Variants in RP1 observed in about 807,000 individuals in gnomAD.
The protein encoded by RP1 is RP1 axonemal microtubule associated.
A neutral mutation model predicts 14.8 loss-of-function variants in RP1; 16 were observed. The observed-to-expected ratio is 1.08, with a 90% CI of 0.73 to 1.65. The LOEUF (loss-of-function observed/expected upper bound fraction) is 1.65. Ranked by LOEUF, RP1 falls within the 40% of genes most tolerant of loss-of-function variation. RP1 has a pLI of 0.00. For synonymous variants in RP1, 876 were observed against 883.6 expected, an observed-to-expected ratio of 0.99 and a Z score of 0.15; for missense variants, 2,631 against 2,535.0, an observed-to-expected ratio of 1.04 and a Z score of -0.81.
intron 24 of RP1, among the ~76,000 whole-genome samples, chr8:54,797,593 T>C (rs934055717): frequency 6.6e-6 from 1 of 151,786 alleles, no homozygotes; most frequent in African/African-American, 2.4e-5. Flanking sequence ...GTCCACTGCA[T>C]GTGTTAGGAA....
intron 24 of RP1, among the ~76,000 whole-genome samples, chr8:54,799,192 A>C (rs927369153): frequency 3.9e-5 from 6 of 152,060 alleles, no homozygotes; most frequent in Non-Finnish European, 5.9e-5. Flanking sequence ...ACAGAAAGCT[A>C]TATGTGATTG....
rs751776583 is a variant in RP1, at chr8:54,627,062, A to G, written c.3180A>G (p.Arg1060=). ...KLVYQEINLA[R]KRQSVEAAIQ... ...TTTACCAGGAAATAAACCTAGCTAG[A>G]AAAAGGCAAAGTGTAGAGGCTGCCA... Residue 1060 remains arginine (R), a synonymous_variant, in exon 4 of 4, where the codon AGA becomes AGG. Coordinates refer to ENST00000220676, the MANE Select transcript of RP1 (RefSeq NM_006269.2). The G allele has an allele frequency of 2.7e-5, 43 of 1,613,950 alleles. No individual in the cohort carries two copies. Among genetic ancestry groups the G allele is most frequent in the Non-Finnish European group, 3.5e-5 (41 of 1,179,984 alleles).
At chr8:54,754,537 C>A (rs1235465818) in intron 19 of RP1, among the ~76,000 whole-genome samples, 2 of 152,186 alleles carry the variant, frequency 1.3e-5, no homozygotes, top group Non-Finnish European at 2.9e-5. Context: ...TAATAAACAA[C>A]TGATGGCACT....
chr8:54,789,791 G>T (rs889512521), intron 24 of RP1, among the ~76,000 whole-genome samples: 2 of 152,178 alleles, frequency 1.3e-5, no homozygotes, highest in African/African-American at 2.4e-5. Flanking sequence ...GCCCAGTAGA[G>T]GTCCTCACTG....
chr8:54,825,809 T>C (rs1811375102), intron 24 of RP1, among the ~76,000 whole-genome samples: 1 of 152,138 alleles, frequency 6.6e-6, no homozygotes. Context: ...GGATGGCTCA[T>C]GCCTGTAATT....
chr8:54,662,201 T>A (rs1806915382), intron 6 of RP1, among the ~76,000 whole-genome samples: 1 of 152,186 alleles, frequency 6.6e-6, no homozygotes, highest in African/African-American at 2.4e-5. Context: ...TATTATTATA[T>A]GAGACACTAG....
At chr8:54,852,868 G>A (rs1164062789) in intron 26 of RP1, 1 of 549,114 alleles carries the variant, frequency 1.8e-6, no homozygotes, top group East Asian at 3.5e-5. Flanking sequence ...TCATTTCTTA[G>A]TGTGCATGTT....
At chr8:54,599,304 C>T (rs1471748306) in intron 1 of RP1, among the ~76,000 whole-genome samples, 1 of 151,908 alleles carries the variant, frequency 6.6e-6, no homozygotes, top group Non-Finnish European at 1.5e-5. Context: ...TTTGGTTCTT[C>T]TTTATATCTT....
At chr8:54,866,551 G>A (rs1207588756) in intron 28 of RP1, among the ~76,000 whole-genome samples, 1 of 152,074 alleles carries the variant, frequency 6.6e-6, no homozygotes, top group Non-Finnish European at 1.5e-5. Context: ...AATATCAAAT[G>A]CACCTTAAAA....
intron 1 of RP1, among the ~76,000 whole-genome samples, chr8:54,620,180 CT>C (rs1262026617): frequency 6.6e-6 from 1 of 152,202 alleles, no homozygotes; most frequent in African/African-American, 2.4e-5. Flanking sequence ...TATTTCTGGA[CT>C]TTTCCCCAAT....
intron 15 of RP1, among the ~76,000 whole-genome samples, chr8:54,709,370 A>C (rs553716457): frequency 6.6e-6 from 1 of 152,124 alleles, no homozygotes; most frequent in Admixed American, 6.5e-5. Context: ...TCCCTTCCTG[A>C]AGGGCTTCAC....
At chr8:54,856,145 G>A (rs1197468409) in intron 26 of RP1, among the ~76,000 whole-genome samples, 1 of 152,188 alleles carries the variant, frequency 6.6e-6, no homozygotes, top group African/African-American at 2.4e-5. Context: ...ACGCTGCTGA[G>A]CAAAATGGCA....
intron 3 of RP1, among the ~76,000 whole-genome samples, chr8:54,642,931 G>A (rs920054502): frequency 2.5e-4 from 38 of 151,922 alleles, no homozygotes; most frequent in African/African-American, 8.9e-4. Context: ...ACAATGTTTT[G>A]ATTTGCCTTT....
intron 1 of RP1, among the ~76,000 whole-genome samples, chr8:54,610,924 A>C (rs1805575017): frequency 6.6e-6 from 1 of 152,198 alleles, no homozygotes; most frequent in African/African-American, 2.4e-5. Context: ...GAGCAGGTCT[A>C]TTGGTAATAA....
chr8:54,672,238 A>G (rs563311223), intron 7 of RP1, among the ~76,000 whole-genome samples: 1 of 152,266 alleles, frequency 6.6e-6, no homozygotes, highest in Non-Finnish European at 1.5e-5. Context: ...CCATGGCTCC[A>G]AGTCAGGGGA....
intron 24 of RP1, among the ~76,000 whole-genome samples, chr8:54,807,436 C>G (rs1810879765): frequency 6.6e-6 from 1 of 152,164 alleles, no homozygotes. Flanking sequence ...TAGATCCTTT[C>G]ACTCTTTTGA....
chr8:54,764,495 T>G (rs1809716517), intron 22 of RP1, among the ~76,000 whole-genome samples: 1 of 152,264 alleles, frequency 6.6e-6, no homozygotes, highest in African/African-American at 2.4e-5. Context: ...CTCATTTTCC[T>G]GTATACCTTT....
At chr8:54,786,959 TC>T (rs1383650256) in intron 24 of RP1, among the ~76,000 whole-genome samples, 1 of 152,136 alleles carries the variant, frequency 6.6e-6, no homozygotes, top group African/African-American at 2.4e-5. Context: ...AGTGAAAATT[TC>T]CTTTTATATA....
chr8:54,805,234 T>C (rs1810819793), intron 24 of RP1, among the ~76,000 whole-genome samples: 1 of 152,254 alleles, frequency 6.6e-6, no homozygotes, highest in African/African-American at 2.4e-5. Flanking sequence ...CTGAATATCG[T>C]TTCAATAAAT....
Sources: gnomAD v4.1 joint callset for allele counts (sites outside exome capture counted in the v4.1 genomes callset) on GRCh38, gnomAD v4.1.1 for gene constraint, MANE v1.5 for transcripts, NCBI Gene and HGNC (gene_info 2026-07-23, HGNC 2026-07-21) for gene names.